KDM4B: variants seen among roughly 807,000 people sequenced by gnomAD.
KDM4B encodes lysine-specific demethylase 4B.
A neutral mutation model predicts 125.2 loss-of-function variants in KDM4B; 32 were observed. That is an observed-to-expected ratio of 0.26 (90% CI 0.19 to 0.34). KDM4B has a LOEUF of 0.34. KDM4B is among the 10% of genes least tolerant of loss of function. The probability of loss-of-function intolerance (pLI) is 1.00; values close to 1 mark genes in which losing one functional copy is unlikely to be tolerated. For missense variants in KDM4B, 1,190 were observed against 1,577.7 expected, an observed-to-expected ratio of 0.75 and a Z score of 4.16; for synonymous variants, 721 against 677.9, an observed-to-expected ratio of 1.06 and a Z score of -0.99.
chr19:4,969,537 G>T (rs1176208570), intron 1 of KDM4B, among the ~76,000 whole-genome samples: 1 of 150,812 alleles, frequency 6.6e-6, no homozygotes, highest in Non-Finnish European at 1.5e-5. Context: ...GCTGGGCACA[G>T]ACGGCCCCGG....
intron 21 of KDM4B, among the ~76,000 whole-genome samples, chr19:5,150,142 G>A (rs113594121): frequency 8.5e-5 from 13 of 152,368 alleles, no homozygotes; most frequent in African/African-American, 9.6e-5. Flanking sequence ...CCCGTCCTCC[G>A]TCATCCTTGC....
intron 9 of KDM4B, among the ~76,000 whole-genome samples, 172 bp from the exon 10 acceptor site, chr19:5,110,450 C>T (rs1475560729): frequency 5.9e-5 from 9 of 152,108 alleles, no homozygotes; most frequent in African/African-American, 2.2e-4. Flanking sequence ...CCAGCCTGGG[C>T]GACAGAGTGA....
chr19:5,136,932 A>G (rs2039658396), intron 15 of KDM4B, among the ~76,000 whole-genome samples: 1 of 152,146 alleles, frequency 6.6e-6, no homozygotes, highest in African/African-American at 2.4e-5. Flanking sequence ...TTGGGGGTGC[A>G]GACACCCAAC....
In KDM4B at chr19:5,082,739, A is replaced by G. The variant is rs1373677783; in HGVS notation, c.918+235A>G. Among the ~76,000 whole-genome samples, 1 of 152,212 alleles carries G rather than the reference A, an allele frequency of 6.6e-6. No homozygotes were observed. Among genetic ancestry groups the G allele is most frequent in the Non-Finnish European group, 1.5e-5 (1 of 68,028 alleles). On this transcript the variant is annotated intron_variant, in intron 9 of 22. Coordinates refer to ENST00000159111, the MANE Select transcript of KDM4B (RefSeq NM_015015.3). This position sits in a 1 kb window ranked among gnomAD's most constrained non-coding sequence, Gnocchi z 5.4. The stretch of plus-strand genomic sequence containing the variant: ...GGTGGACGATGGTGGCCCAGGGCCC[A>G]TCTCCAGCGAGTTCCATACACCAGT...
chr19:5,125,949 G>A (rs574889521), intron 11 of KDM4B, among the ~76,000 whole-genome samples: 17 of 152,326 alleles, frequency 1.1e-4, no homozygotes, highest in Admixed American at 2.6e-4. Flanking sequence ...ATAAATGCAT[G>A]TTCACAGTCA....
intron 3 of KDM4B, among the ~76,000 whole-genome samples, chr19:5,038,960 G>A (rs1461559402): frequency 6.6e-6 from 1 of 152,244 alleles, no homozygotes; most frequent in Admixed American, 6.5e-5. Context: ...CCTAGAACTT[G>A]GGTTGCCCCA....
chr19:5,107,629 G>A (rs1028494845), intron 9 of KDM4B, among the ~76,000 whole-genome samples: 1 of 152,234 alleles, frequency 6.6e-6, no homozygotes, highest in African/African-American at 2.4e-5. Context: ...TCATGGGCCT[G>A]GCTCACCCTT....
chr19:5,134,623 G>C (rs181078519), intron 14 of KDM4B, among the ~76,000 whole-genome samples: 1 of 152,296 alleles, frequency 6.6e-6, no homozygotes, highest in East Asian at 1.9e-4. Flanking sequence ...CTCTTCCCCT[G>C]GGCATGCAGC....
At chr19:5,074,832 G>A (rs1324731944) in intron 7 of KDM4B, 1 of 152,420 alleles carries the variant, frequency 6.6e-6, no homozygotes, top group Non-Finnish European at 1.5e-5. Context: ...ATGGGTGTGT[G>A]TCCCGTCCTG....
At chr19:5,066,255 A>G (rs745887222) in intron 6 of KDM4B, among the ~76,000 whole-genome samples, 4 of 152,154 alleles carry the variant, frequency 2.6e-5, no homozygotes, top group Non-Finnish European at 5.9e-5. Flanking sequence ...TCACTACTCA[A>G]AACACCTCAA....
At chr19:4,977,780 A>G (rs1365002960) in intron 1 of KDM4B, among the ~76,000 whole-genome samples, 4 of 152,156 alleles carry the variant, frequency 2.6e-5, no homozygotes, top group East Asian at 3.9e-4. Context: ...GGACTGCAGC[A>G]TGTCTGGGCA....
At chr19:5,052,654 C>T (rs1189289637) in intron 6 of KDM4B, among the ~76,000 whole-genome samples, 1 of 152,242 alleles carries the variant, frequency 6.6e-6, no homozygotes, top group African/African-American at 2.4e-5. Context: ...TCCTGGGCTC[C>T]CTCAGTCTGG....
intron 1 of KDM4B, among the ~76,000 whole-genome samples, chr19:4,994,008 T>C (rs1488857795): frequency 1.3e-5 from 2 of 149,926 alleles, no homozygotes; most frequent in East Asian, 4.0e-4. Context: ...TTAATTTTTA[T>C]ATTTTCAGCC....
intron 6 of KDM4B, among the ~76,000 whole-genome samples, chr19:5,066,350 G>T (rs914825866): frequency 3.3e-5 from 5 of 152,164 alleles, no homozygotes; most frequent in African/African-American, 7.2e-5. Context: ...CTGTGCCGGG[G>T]TGTCCTTCCT....
At chr19:5,100,804 T>C (rs1355749444) in intron 9 of KDM4B, among the ~76,000 whole-genome samples, 4 of 152,242 alleles carry the variant, frequency 2.6e-5, no homozygotes, top group African/African-American at 9.6e-5. Flanking sequence ...TTGGTGTTTT[T>C]CATTTCTGCC....
intron 9 of KDM4B, among the ~76,000 whole-genome samples, chr19:5,094,753 C>T (rs757282984): frequency 1.3e-5 from 2 of 152,156 alleles, no homozygotes; most frequent in Non-Finnish European, 2.9e-5. Flanking sequence ...GCCTGCCTTC[C>T]AGTGTGGGAG....
chr19:5,114,614 T>G lies in KDM4B; in HGVS notation c.1115+3796T>G. On this transcript the variant is annotated intron_variant, in intron 10 of 22. Coordinates refer to ENST00000159111, the MANE Select transcript of KDM4B (RefSeq NM_015015.3). This position sits in a 1 kb window ranked among gnomAD's most constrained non-coding sequence, Gnocchi z 5.8. ...GAGCTGCCCTTCATTTTCTCAAAGG[T>G]GAAATTCCTCAGCACAGGGTCTAGT... 3.2e-6 allele frequency: 1 copy of G among 311,978 alleles called. No homozygotes were observed. The highest frequency in any genetic ancestry group is 6.3e-6 in the Non-Finnish European group (1 of 158,502). 19.3% of individuals were successfully genotyped at this position (311,978 alleles called of 1,614,324 possible).
Position 5,082,200 on chromosome 19 carries a change from T to G in KDM4B, c.781-167T>G, listed in dbSNP as rs371385189. On this transcript the variant is annotated intron_variant, in intron 8 of 22. Coordinates refer to ENST00000159111, the MANE Select transcript of KDM4B (RefSeq NM_015015.3). The surrounding 1 kb of genome is among the most constrained non-coding windows in gnomAD (Gnocchi z 5.4). ...TGTCCTTCATGAGCCGCGTGGGAAA[T>G]GGGCTGGAGCCCTGGAGCCCCTGGA... is the stretch of plus-strand genomic sequence containing the variant. 3.3e-5 allele frequency among the ~76,000 whole-genome samples: 5 copies of G among 152,248 alleles called. No homozygotes were observed. The highest frequency in any genetic ancestry group is 1.2e-4 in the African/African-American group (5 of 41,546).
chr19:5,128,829 TGAGGGGCCAGATAACAGTG>T (rs925133846), intron 11 of KDM4B, among the ~76,000 whole-genome samples: 1 of 87,744 alleles, frequency 1.1e-5, no homozygotes, highest in Non-Finnish European at 2.2e-5. Flanking sequence ...AGATAACAGC[TGAGGGGCCAGATAACAGTG>T]GAGGCGGGGG....
Sources: gnomAD v4.1 joint callset for allele counts (sites outside exome capture counted in the v4.1 genomes callset) on GRCh38, gnomAD v4.1.1 for gene constraint, Gnocchi (gnomAD v3.1) non-coding constraint, MANE v1.5 for transcripts, NCBI Gene and HGNC (gene_info 2026-07-23, HGNC 2026-07-21) for gene names.